Variants in MYCBP2 observed in about 807,000 individuals in gnomAD.
MYCBP2 encodes MYC binding protein 2.
In MYCBP2, 120 loss-of-function variants were observed where a neutral mutation model predicts 525.3. The observed-to-expected ratio is 0.23, with a 90% confidence interval of 0.20 to 0.27. The LOEUF is 0.27. Ranked by LOEUF, MYCBP2 falls within the 10% of genes least tolerant of loss-of-function variation. MYCBP2 has a pLI of 1.00. For missense variants in MYCBP2, 4,149 were observed against 5,657.1 expected (o/e 0.73, Z 8.55); for synonymous variants, 1,894 against 1,955.8 (o/e 0.97, Z 0.83).
intron 2 of MYCBP2, among the ~76,000 whole-genome samples, chr13:77,292,294 AT>A (rs1345387282): frequency 6.6e-6 from 1 of 152,194 alleles, no homozygotes; most frequent in African/African-American, 2.4e-5. Flanking sequence ...CTTTGTTGTA[AT>A]AAATCTTAGC....
chr13:77,282,110 T>A (rs893259688), intron 3 of MYCBP2, among the ~76,000 whole-genome samples: 2 of 151,928 alleles, frequency 1.3e-5, no homozygotes. Context: ...AAGGCTAAGA[T>A]GGAGAATTCT....
Position 77,326,821 on chromosome 13 carries a change from G to A in MYCBP2, c.-46C>T. 3 of 1,384,054 alleles carry A rather than the reference G, an allele frequency of 2.2e-6. No homozygotes were observed. The highest frequency in any genetic ancestry group is 1.8e-6 in the Non-Finnish European group (2 of 1,081,712). 85.7% of individuals were successfully genotyped at this position (1,384,054 alleles called of 1,614,324 possible). On this transcript the variant is annotated 5_prime_UTR_variant, in exon 1 of 83. Coordinates refer to ENST00000544440, the MANE Select transcript of MYCBP2 (RefSeq NM_015057.5). The surrounding 1 kb of genome is among the most constrained non-coding windows in gnomAD (Gnocchi z 4.2). ...CCGCCGCCTCGTCCCCGCGGGCCGG[G>A]CGGGCAGACACGCGCGCGCACACAC...
chr13:77,083,536 T>C (rs933743339), intron 62 of MYCBP2, among the ~76,000 whole-genome samples: 13 of 151,838 alleles, frequency 8.6e-5, no homozygotes, highest in African/African-American at 1.7e-4. Context: ...TACACATACA[T>C]ATATGTAGGT....
chr13:77,304,686 C>T (rs2079186119), intron 1 of MYCBP2, among the ~76,000 whole-genome samples: 2 of 152,000 alleles, frequency 1.3e-5, no homozygotes, highest in Non-Finnish European at 2.9e-5. Context: ...TTGATCATTA[C>T]ACATTGTAAA....
intron 68 of MYCBP2, among the ~76,000 whole-genome samples, chr13:77,074,010 C>A (rs74350866): frequency 2.8e-5 from 4 of 141,046 alleles, no homozygotes; most frequent in African/African-American, 1.0e-4. Context: ...CCGCCCCCCC[C>A]CCTTTTTTTT....
chr13:77,310,602 T>C (rs1330931161), intron 1 of MYCBP2, among the ~76,000 whole-genome samples: 1 of 152,144 alleles, frequency 6.6e-6, no homozygotes, highest in Non-Finnish European at 1.5e-5. Context: ...TATCAAACAG[T>C]ATCATATATA....
intron 37 of MYCBP2, among the ~76,000 whole-genome samples, chr13:77,171,994 A>G (rs1439697342): frequency 6.6e-6 from 1 of 152,206 alleles, no homozygotes; most frequent in East Asian, 1.9e-4. Context: ...TCCGCCTCCC[A>G]GGTTCAAGCG....
intron 1 of MYCBP2, among the ~76,000 whole-genome samples, chr13:77,304,459 G>A (rs2079154248): frequency 6.6e-6 from 1 of 152,196 alleles, no homozygotes; most frequent in Non-Finnish European, 1.5e-5. Flanking sequence ...TAGAAGAGTT[G>A]TTGAAGAGTA....
chr13:77,288,023 A>G lies in MYCBP2; in HGVS notation c.594+138T>C, dbSNP rs995098567. ...AGTTTTCCTTTTCTGCTCCAAATCT[A>G]TTTTTGCCCATAAGCCGTGTTATTT... On this transcript the variant is annotated intron_variant, in intron 3 of 82. Transcript: ENST00000544440. 5 of 808,314 alleles carry G rather than the reference A, an allele frequency of 6.2e-6. No homozygotes were observed. In the Admixed American group the frequency reaches 1.1e-4, roughly 17 times the overall value. The allele number at this position is 808,314 out of a possible 1,614,324, so 50.1% of individuals were successfully genotyped here.
At chr13:77,220,182 G>A (rs2065350724) in intron 20 of MYCBP2, among the ~76,000 whole-genome samples, 1 of 152,072 alleles carries the variant, frequency 6.6e-6, no homozygotes, top group Admixed American at 6.6e-5. Flanking sequence ...GAAGAAACTG[G>A]TAAGAGTATA....
intron 1 of MYCBP2, among the ~76,000 whole-genome samples, chr13:77,304,432 C>T (rs370356352): frequency 1.3e-5 from 2 of 152,202 alleles, no homozygotes; most frequent in East Asian, 1.9e-4. Flanking sequence ...AAAAGTTGAT[C>T]TCATAAAAGT....
At chr13:77,242,629 T>C (rs1246693656) in intron 17 of MYCBP2, among the ~76,000 whole-genome samples, 1 of 152,170 alleles carries the variant, frequency 6.6e-6, no homozygotes, top group East Asian at 1.9e-4. Flanking sequence ...CAAATGATAA[T>C]GAGCATAAAT....
chr13:77,209,964 C>T (rs17067304), intron 23 of MYCBP2, among the ~76,000 whole-genome samples: 6,671 of 152,164 alleles, frequency 0.044, 499 homozygotes, highest in African/African-American at 0.15. Flanking sequence ...TGCAAGCAGG[C>T]ATGGGTAGAA....
intron 58 of MYCBP2, among the ~76,000 whole-genome samples, chr13:77,094,934 A>G (rs1194751913): frequency 1.3e-5 from 2 of 152,174 alleles, no homozygotes; most frequent in African/African-American, 4.8e-5. Flanking sequence ...ATATTCATAC[A>G]TTCAGGGCCT....
chr13:77,219,339 C>A (rs2065234233), intron 20 of MYCBP2, among the ~76,000 whole-genome samples: 1 of 151,894 alleles, frequency 6.6e-6, no homozygotes, highest in South Asian at 2.1e-4. Context: ...TGGAAGCAGG[C>A]ACCACAATGC....
intron 17 of MYCBP2, among the ~76,000 whole-genome samples, chr13:77,241,451 T>C (rs1463620448): frequency 6.6e-6 from 1 of 152,156 alleles, no homozygotes. Flanking sequence ...CTAATATTTC[T>C]AAAGAAAGAA....
chr13:77,281,468 C>G (rs990279198), intron 3 of MYCBP2, among the ~76,000 whole-genome samples: 19 of 152,050 alleles, frequency 1.2e-4, no homozygotes, highest in Non-Finnish European at 2.1e-4. Flanking sequence ...AGCTTCAATA[C>G]TTTCCATAAC....
At chr13:77,157,710 A>G (rs574072800) in intron 45 of MYCBP2, among the ~76,000 whole-genome samples, 1 of 152,156 alleles carries the variant, frequency 6.6e-6, no homozygotes, top group East Asian at 1.9e-4. Context: ...AGATCATGCC[A>G]CTGCACTCCA....
chr13:77,201,753 T>G, intron 26 of MYCBP2, among the ~76,000 whole-genome samples: 1 of 151,554 alleles, frequency 6.6e-6, no homozygotes, highest in Non-Finnish European at 1.5e-5. Context: ...TCAAAACCAC[T>G]CAACTACATG....
Sources: gnomAD v4.1 joint callset for allele counts (sites outside exome capture counted in the v4.1 genomes callset) on GRCh38, gnomAD v4.1.1 for gene constraint, Gnocchi (gnomAD v3.1) non-coding constraint, MANE v1.5 for transcripts, NCBI Gene and HGNC (gene_info 2026-07-23, HGNC 2026-07-21) for gene names.